MAGI2: variants seen among roughly 807,000 people sequenced by gnomAD.
MAGI2 encodes the protein membrane associated guanylate kinase, WW and PDZ domain containing 2, also known as membrane-associated guanylate kinase, WW and PDZ domain-containing protein 2.
A neutral mutation model predicts 133.3 loss-of-function variants in MAGI2; 35 were observed. That is an observed-to-expected ratio of 0.26 (90% confidence interval 0.20 to 0.35). The LOEUF (loss-of-function observed/expected upper bound fraction) is 0.35. MAGI2 is among the 10% of genes least tolerant of loss of function. The pLI, the probability that MAGI2 is intolerant of heterozygous loss-of-function variation, is 1.00. For synonymous variants in MAGI2, 729 were observed against 710.6 expected (o/e 1.03, Z -0.41); for missense variants, 1,636 against 1,863.4 (o/e 0.88, Z 2.25).
At chr7:79,273,530 G>A (rs1835025595) in intron 1 of MAGI2, among the ~76,000 whole-genome samples, 2 of 152,058 alleles carry the variant, frequency 1.3e-5, no homozygotes, top group African/African-American at 4.8e-5. Flanking sequence ...GCAAAGTAGA[G>A]TGAAATTTAA....
chr7:78,314,075 T>C (rs1437366836), intron 9 of MAGI2, among the ~76,000 whole-genome samples: 1 of 152,190 alleles, frequency 6.6e-6, no homozygotes, highest in East Asian at 1.9e-4. Flanking sequence ...CGATTTATCA[T>C]GGAGCCAAAG....
intron 5 of MAGI2, among the ~76,000 whole-genome samples, chr7:78,497,245 A>G (rs142513629): frequency 7.3e-4 from 111 of 152,346 alleles, no homozygotes; most frequent in African/African-American, 2.6e-3. Flanking sequence ...GAAACATAAG[A>G]CATTATTACT....
intron 9 of MAGI2, among the ~76,000 whole-genome samples, chr7:78,321,823 G>A (rs905910002): frequency 2.0e-5 from 3 of 152,266 alleles, no homozygotes; most frequent in Admixed American, 1.3e-4. Context: ...TATCATCAGA[G>A]TGAACAAGCA....
intron 6 of MAGI2, among the ~76,000 whole-genome samples, chr7:78,446,741 T>G (rs1172203410): frequency 6.6e-6 from 1 of 152,118 alleles, no homozygotes; most frequent in Non-Finnish European, 1.5e-5. Context: ...CTAAAAATGC[T>G]AACTTGTTCA....
chr7:78,634,979 A>C (rs1809472119), intron 2 of MAGI2, among the ~76,000 whole-genome samples: 1 of 152,186 alleles, frequency 6.6e-6, no homozygotes, highest in Non-Finnish European at 1.5e-5. Context: ...TAGAACTGAA[A>C]GAGCAAAAAT....
At chr7:78,263,981 C>G (rs1049118609) in intron 9 of MAGI2, among the ~76,000 whole-genome samples, 2 of 152,076 alleles carry the variant, frequency 1.3e-5, no homozygotes, top group Non-Finnish European at 2.9e-5. Context: ...ACAAGCTGCT[C>G]GTTACCCTTT....
intron 13 of MAGI2, among the ~76,000 whole-genome samples, chr7:78,178,712 A>G (rs1291317195): frequency 6.6e-6 from 1 of 152,054 alleles, no homozygotes; most frequent in Non-Finnish European, 1.5e-5. Context: ...AGAAGCATTT[A>G]TTTTCTGACA....
chr7:78,478,384 A>T (rs1299545770), intron 6 of MAGI2, among the ~76,000 whole-genome samples: 3 of 151,932 alleles, frequency 2.0e-5, no homozygotes, highest in South Asian at 2.1e-4. Context: ...ACACATTGAT[A>T]TCCATTTTAA....
intron 6 of MAGI2, among the ~76,000 whole-genome samples, chr7:78,466,497 A>AT (rs1255584374): frequency 6.6e-6 from 1 of 152,202 alleles, no homozygotes; most frequent in Non-Finnish European, 1.5e-5. Flanking sequence ...TAAGTGTGTT[A>AT]TTTTGAATAT....
rs773915696 is a variant in MAGI2, at chr7:78,256,596, G to T, written c.1409-15C>A. The T allele has an allele frequency of 6.2e-7, 1 of 1,602,000 alleles. No individual in the cohort carries two copies. The highest frequency in any genetic ancestry group is 1.3e-5 in the African/African-American group (1 of 74,216). ...AATGACATCACCTGTAAGAAAAAAA[G>T]AGATTGACAACATGAGGTAAGTTCA... is the stretch of plus-strand genomic sequence containing the variant. On this transcript the variant is annotated splice_polypyrimidine_tract_variant and intron_variant, in intron 9 of 21. Transcript: ENST00000354212.
intron 1 of MAGI2, among the ~76,000 whole-genome samples, chr7:79,329,746 T>C (rs919070276): frequency 2.6e-5 from 4 of 152,228 alleles, no homozygotes; most frequent in Non-Finnish European, 5.9e-5. Context: ...TTTTTGCTCA[T>C]ATCACGTTAT....
At chr7:78,483,388 C>T (rs1049386531) in intron 6 of MAGI2, among the ~76,000 whole-genome samples, 5 of 151,740 alleles carry the variant, frequency 3.3e-5, no homozygotes, top group African/African-American at 9.7e-5. Context: ...GTTTTGTAAT[C>T]CTTACCTAGG....
chr7:78,031,808 C>T (rs1383077570), intron 21 of MAGI2, among the ~76,000 whole-genome samples: 1 of 152,150 alleles, frequency 6.6e-6, no homozygotes, highest in Non-Finnish European at 1.5e-5. Flanking sequence ...AAATGAATTA[C>T]TCAGAGGATA....
At chr7:78,109,188 C>G (rs1819049056) in intron 20 of MAGI2, among the ~76,000 whole-genome samples, 1 of 149,696 alleles carries the variant, frequency 6.7e-6, no homozygotes, top group Admixed American at 6.7e-5. Context: ...CCTGTAGTCC[C>G]AGCTACTCGG....
chr7:79,336,594 T>A (rs1026905085), intron 1 of MAGI2, among the ~76,000 whole-genome samples: 1 of 152,250 alleles, frequency 6.6e-6, no homozygotes, highest in Admixed American at 6.5e-5. Context: ...TGTGTGAAGA[T>A]GACTGAGTAA....
At chr7:78,159,878 A>T (rs915579369) in intron 16 of MAGI2, 147 bp downstream of exon 16, 3 of 1,019,094 alleles carry the variant, frequency 2.9e-6, no homozygotes, top group Non-Finnish European at 4.1e-6. Context: ...AGTGGTATGG[A>T]TGCCTTATTT....
intron 6 of MAGI2, chr7:78,487,255 C>T (rs7780361): frequency 0.11 from 21,572 of 195,526 alleles, 1,514 homozygotes; most frequent in South Asian, 0.24. Flanking sequence ...AAAGACTGGG[C>T]TTTGGAAAAT....
At chr7:78,448,976 G>A (rs1489604187) in intron 6 of MAGI2, among the ~76,000 whole-genome samples, 14 of 152,040 alleles carry the variant, frequency 9.2e-5, no homozygotes, top group Non-Finnish European at 2.1e-4. Context: ...TTCAGCAGGT[G>A]AAGATATGGG....
chr7:78,825,034 G>C (rs193106626), intron 2 of MAGI2, among the ~76,000 whole-genome samples: 52 of 152,252 alleles, frequency 3.4e-4, no homozygotes, highest in Non-Finnish European at 6.0e-4. Context: ...CATGGACACA[G>C]GGAGGGGAAC....
Sources: gnomAD v4.1 joint callset for allele counts (sites outside exome capture counted in the v4.1 genomes callset) on GRCh38, gnomAD v4.1.1 for gene constraint, MANE v1.5 for transcripts, NCBI Gene and HGNC (gene_info 2026-07-23, HGNC 2026-07-21) for gene names.